CADPS: variants seen among roughly 807,000 people sequenced by gnomAD.
CADPS encodes the protein calcium dependent secretion activator, also known as calcium-dependent secretion activator 1.
In CADPS, 57 loss-of-function variants were observed where a neutral mutation model predicts 167.3. That is an observed-to-expected ratio of 0.34 (90% confidence interval 0.28 to 0.42). CADPS has a LOEUF of 0.42. Ranked by LOEUF, CADPS falls within the 20% of genes least tolerant of loss-of-function variation. The pLI, the probability that CADPS is intolerant of heterozygous loss-of-function variation, is 1.00. For synonymous variants in CADPS, 676 were observed against 635.3 expected (o/e 1.06, Z -0.96); for missense variants, 1,414 against 1,738.1 (o/e 0.81, Z 3.32).
chr3:62,569,252 C>G (rs558421728), intron 9 of CADPS, among the ~76,000 whole-genome samples: 2 of 152,122 alleles, frequency 1.3e-5, no homozygotes, highest in African/African-American at 4.8e-5. Context: ...AAGCATGCAC[C>G]ACCATACCCG....
chr3:62,648,785 G>A (rs2069245749), intron 5 of CADPS, among the ~76,000 whole-genome samples: 3 of 151,696 alleles, frequency 2.0e-5, no homozygotes. Context: ...GAAGACAAGA[G>A]GCAGTAGGGA....
At chr3:62,614,873 C>T (rs1234294405) in intron 6 of CADPS, among the ~76,000 whole-genome samples, 1 of 152,144 alleles carries the variant, frequency 6.6e-6, no homozygotes, top group Non-Finnish European at 1.5e-5. Flanking sequence ...CCCTTCTCAG[C>T]CTCTCTTTTC....
intron 8 of CADPS, among the ~76,000 whole-genome samples, chr3:62,580,070 C>CT (rs2083102647): frequency 6.6e-6 from 1 of 152,152 alleles, no homozygotes; most frequent in Non-Finnish European, 1.5e-5. Flanking sequence ...GGTGGGAGGA[C>CT]TGCCTGAGGC....
At position 62,463,637 on chromosome 3, in the gene CADPS, G is replaced by C. The variant is rs112014227; in HGVS notation, c.3636+1730C>G. Among the ~76,000 whole-genome samples, 7 of 152,312 alleles carry C rather than the reference G, an allele frequency of 4.6e-5. 1 individual carries two copies. The highest frequency in any genetic ancestry group is 1.7e-4 in the African/African-American group (7 of 41,578). ...GGGGGAAAGCTGGCAGGACACACTG[G>C]TTCCTGTCCCCACTCTGCCCATTGC... On this transcript the variant is annotated intron_variant, in intron 26 of 29. Transcript: ENST00000383710.
At chr3:62,451,913 G>A (rs1304245503) in intron 26 of CADPS, among the ~76,000 whole-genome samples, 1 of 152,118 alleles carries the variant, frequency 6.6e-6, no homozygotes, top group African/African-American at 2.4e-5. Flanking sequence ...GTTACTCAGT[G>A]CCATGCCTAA....
Position 62,838,890 on chromosome 3 carries a change from C to T in CADPS, c.441+35699G>A, listed in dbSNP as rs2076261854. 5.9e-5 allele frequency among the ~76,000 whole-genome samples: 9 copies of T among 152,262 alleles called. No individual in the cohort carries two copies. In the South Asian group the frequency reaches 1.9e-3, roughly 32 times the overall value. ...GATGTCCAATATATAAAATGAAATG[C>T]CTCCCAGCTCAAATACATTTGAACA... is the stretch of plus-strand genomic sequence containing the variant. On this transcript the variant is annotated intron_variant, in intron 1 of 29. Transcript: ENST00000383710.
At chr3:62,787,416 ATTATT>A (rs1381521575) in intron 1 of CADPS, among the ~76,000 whole-genome samples, 2 of 152,232 alleles carry the variant, frequency 1.3e-5, no homozygotes, top group Non-Finnish European at 2.9e-5. Context: ...TGATTAAAAT[ATTATT>A]TTACTTTATT....
chr3:62,649,551 T>TTTTTTTTTTTTTTTG (rs2069512976), intron 5 of CADPS, among the ~76,000 whole-genome samples: 1 of 91,846 alleles, frequency 1.1e-5, no homozygotes, highest in African/African-American at 4.5e-5. Flanking sequence ...GTCTTTTTTT[T>TTTTTTTTTTTTTTTG]TTTTTTTTTT....
rs538361479 is a variant in CADPS at position 62,577,827 on chromosome 3, T to C, written c.1578-6889A>G. Among the ~76,000 whole-genome samples, 94 of 152,324 alleles carry C rather than the reference T, an allele frequency of 6.2e-4. 1 individual carries two copies. The highest frequency in any genetic ancestry group is 2.5e-4 in the Non-Finnish European group (17 of 68,034). ...AGTGGTTGTGGCAGGAATTGCATTC[T>C]AGGCGATTTGATCTAATTGGCATTT... On this transcript the variant is annotated intron_variant, in intron 8 of 29. Coordinates refer to ENST00000383710, the MANE Select transcript of CADPS (RefSeq NM_003716.4).
rs906340515 is a variant in CADPS, at chr3:62,421,072, A to G, written c.3777+17032T>C. Among the ~76,000 whole-genome samples, 1 of 152,142 alleles carries G rather than the reference A, an allele frequency of 6.6e-6. No homozygotes were observed. The highest frequency in any genetic ancestry group is 1.5e-5 in the Non-Finnish European group (1 of 68,026). ...ACAGATGGTTTGGGATCCACCAGCC[A>G]GGAGGTAAGAAGTCTGCGTCAGGTC... On this transcript the variant is annotated intron_variant, in intron 28 of 29. Transcript: ENST00000383710. This position sits in a 1 kb window ranked among gnomAD's most constrained non-coding sequence, Gnocchi z 4.7.
Position 62,650,904 on chromosome 3 carries a change from G to A in CADPS, c.1146C>T (p.Gly382=), listed in dbSNP as rs74991517. ...TGGAGAGCTGGTTCTCACTCTCCTC[G>A]CCCATGTCGATGATGGAAGCATTGT... ...RSHNASIIDM[G]EESENQLSKS... Residue 382 remains glycine, a synonymous_variant, in exon 5 of 30, where the codon GGC becomes GGT. Coordinates refer to ENST00000383710, the MANE Select transcript of CADPS (RefSeq NM_003716.4). 4,107 of 1,613,976 alleles carry A rather than the reference G, an allele frequency of 2.5e-3. 31 individuals are homozygous for A. Among genetic ancestry groups the A allele is most frequent in the Non-Finnish European group, 1.7e-3 (2,048 of 1,179,944 alleles).
At chr3:62,798,667 A>C (rs2093593837) in intron 1 of CADPS, among the ~76,000 whole-genome samples, 1 of 145,440 alleles carries the variant, frequency 6.9e-6, no homozygotes, top group Non-Finnish European at 1.5e-5. Flanking sequence ...TTTAAAGTTC[A>C]GCCCAAATGT....
intron 1 of CADPS, among the ~76,000 whole-genome samples, chr3:62,775,658 G>T (rs1190603287): frequency 6.6e-6 from 1 of 152,094 alleles, no homozygotes; most frequent in Non-Finnish European, 1.5e-5. Context: ...TTTGTCTGTT[G>T]ATTGTTTTTC....
chr3:62,733,172 C>T (rs17067099), intron 3 of CADPS, among the ~76,000 whole-genome samples: 9,389 of 151,820 alleles, frequency 0.062, 933 homozygotes, highest in African/African-American at 0.21. Context: ...ACTCTGTATG[C>T]GTTTGATCAC....
intron 6 of CADPS, among the ~76,000 whole-genome samples, chr3:62,621,292 C>CGT (rs1438508217): frequency 6.6e-6 from 1 of 151,870 alleles, no homozygotes; most frequent in Admixed American, 6.6e-5. Context: ...AATGCTGGTC[C>CGT]GTGAAGCTGC....
intron 9 of CADPS, among the ~76,000 whole-genome samples, chr3:62,561,514 C>T (rs372886431): frequency 2.6e-4 from 40 of 151,724 alleles, no homozygotes; most frequent in South Asian, 1.2e-3. Context: ...AAGTGATCTT[C>T]GCATTTTGGT....
intron 8 of CADPS, among the ~76,000 whole-genome samples, chr3:62,582,045 C>G (rs549991091): frequency 2.0e-5 from 3 of 152,194 alleles, no homozygotes; most frequent in Non-Finnish European, 2.9e-5. Flanking sequence ...TTCAAAGAAC[C>G]ACAGTGCACA....
chr3:62,600,074 G>C (rs935195902), intron 6 of CADPS, among the ~76,000 whole-genome samples: 2 of 146,874 alleles, frequency 1.4e-5, no homozygotes, highest in East Asian at 4.0e-4. Flanking sequence ...TTGTAGAGAG[G>C]TGAGACACAT....
intron 28 of CADPS, among the ~76,000 whole-genome samples, chr3:62,436,661 T>A (rs1274992946): frequency 1.3e-5 from 2 of 152,186 alleles, no homozygotes; most frequent in African/African-American, 4.8e-5. Context: ...TGGGTCATGC[T>A]AGAAGATGTA....
Sources: allele counts gnomAD v4.1 joint callset (sites outside exome capture counted in the v4.1 genomes callset), GRCh38; gene constraint gnomAD v4.1.1; non-coding constraint Gnocchi (gnomAD v3.1); transcripts MANE v1.5; gene names NCBI Gene and HGNC (gene_info 2026-07-23, HGNC 2026-07-21).